The following KCNN2 variants were observed in gnomAD, a reference collection of about 807,000 sequenced individuals.
The protein encoded by KCNN2 is small conductance calcium-activated potassium channel protein 2.
KCNN2 carries 24 observed loss-of-function variants against 55.5 expected under a neutral mutation model. The ratio of observed to expected loss-of-function variants is 0.43; its 90% confidence interval spans 0.31 to 0.61. The LOEUF (loss-of-function observed/expected upper bound fraction) is 0.61, where lower values mean the gene tolerates loss of function less well. Ranked by LOEUF, KCNN2 falls within the 20% of genes least tolerant of loss-of-function variation. KCNN2 has a pLI of 0.08. For missense variants in KCNN2, 754 were observed against 853.6 expected, an observed-to-expected ratio of 0.88 and a Z score of 1.45; for synonymous variants, 431 against 336.1, an observed-to-expected ratio of 1.28 and a Z score of -3.09.
chr5:114,226,629 G>T (rs185447909), intron 2 of KCNN2, among the ~76,000 whole-genome samples: 2 of 152,218 alleles, frequency 1.3e-5, no homozygotes, highest in East Asian at 1.9e-4. Context: ...TTGGCTGGAT[G>T]CAGTAGCTCA....
intron 1 of KCNN2, among the ~76,000 whole-genome samples, chr5:114,201,775 C>A (rs1449782968): frequency 6.7e-6 from 1 of 148,298 alleles, no homozygotes; most frequent in Non-Finnish European, 1.5e-5. Context: ...AGTCTCATGG[C>A]AGCCTGTTGC....
intron 2 of KCNN2, among the ~76,000 whole-genome samples, chr5:114,320,027 A>T (rs1756584233): frequency 6.6e-6 from 1 of 152,210 alleles, no homozygotes; most frequent in African/African-American, 2.4e-5. Context: ...CAAAATGTTT[A>T]CCCATTGTTA....
At chr5:114,390,007 C>T (rs1402575067) in intron 2 of KCNN2, among the ~76,000 whole-genome samples, 3 of 152,248 alleles carry the variant, frequency 2.0e-5, no homozygotes, top group South Asian at 4.1e-4. Flanking sequence ...CAAATTCTTT[C>T]AATTGCCTGT....
At chr5:114,063,591 T>C (rs1241538447) in intron 1 of KCNN2, among the ~76,000 whole-genome samples, 1 of 152,120 alleles carries the variant, frequency 6.6e-6, no homozygotes, top group Non-Finnish European at 1.5e-5. Flanking sequence ...CTGGCCTAGA[T>C]AGCTAATTTT....
At chr5:114,143,529 A>G (rs1475509504) in intron 1 of KCNN2, among the ~76,000 whole-genome samples, 5 of 152,158 alleles carry the variant, frequency 3.3e-5, no homozygotes, top group Admixed American at 3.3e-4. Context: ...TCTTATCCCT[A>G]TGAACAGGTG....
intron 4 of KCNN2, among the ~76,000 whole-genome samples, chr5:114,467,749 A>C (rs1349992349): frequency 1.3e-5 from 2 of 152,106 alleles, no homozygotes; most frequent in Non-Finnish European, 2.9e-5. Context: ...AGGAAAGTAT[A>C]GGTGGAAGTT....
At chr5:114,147,774 G>C (rs1386325749) in intron 1 of KCNN2, among the ~76,000 whole-genome samples, 1 of 152,130 alleles carries the variant, frequency 6.6e-6, no homozygotes, top group Non-Finnish European at 1.5e-5. Context: ...AATCATTTAA[G>C]GTGTTTAAAT....
chr5:114,279,726 T>C (rs1407204880), intron 2 of KCNN2, among the ~76,000 whole-genome samples: 1 of 152,106 alleles, frequency 6.6e-6, no homozygotes, highest in Non-Finnish European at 1.5e-5. Flanking sequence ...TGGTTCCAAG[T>C]CTTTGCTATT....
intron 1 of KCNN2, among the ~76,000 whole-genome samples, chr5:114,150,795 G>A (rs1429204079): frequency 6.6e-6 from 1 of 152,176 alleles, no homozygotes; most frequent in Non-Finnish European, 1.5e-5. Context: ...GCTGAAGCAG[G>A]CAGATCACCT....
chr5:114,155,095 G>C (rs961095277), intron 1 of KCNN2, among the ~76,000 whole-genome samples: 3 of 151,956 alleles, frequency 2.0e-5, no homozygotes, highest in African/African-American at 7.3e-5. Context: ...GTGTCCGTGT[G>C]TTCTCATCAT....
At chr5:114,171,741 A>C (rs896059069) in intron 1 of KCNN2, among the ~76,000 whole-genome samples, 3 of 150,406 alleles carry the variant, frequency 2.0e-5, no homozygotes, top group African/African-American at 7.3e-5. Flanking sequence ...GCCTAACCCT[A>C]ATTTTGAATG....
chr5:114,252,003 C>A (rs1020298894), intron 2 of KCNN2, among the ~76,000 whole-genome samples: 1 of 151,184 alleles, frequency 6.6e-6, no homozygotes, highest in African/African-American at 2.4e-5. Context: ...CTCAGCCTCC[C>A]GAGCAGCTGG....
In KCNN2 at chr5:114,362,437, C is replaced by A; in HGVS notation, c.298C>A (p.Arg100=). 2.7e-6 allele frequency: 1 copy of A among 364,840 alleles called. No homozygotes were observed. The highest frequency in any genetic ancestry group is 4.9e-6 in the Non-Finnish European group (1 of 202,990). 22.6% of individuals were successfully genotyped at this position (364,840 alleles called of 1,614,324 possible). A position where few individuals can be genotyped will look rare whatever the true frequency, so the allele number is the denominator to read the frequency against. ...CACCTCCTCGCCCGGCGGCGCCTTC[C>A]GGACCCGCACCTCCTCGCCGCTGTC... is the stretch of plus-strand genomic sequence containing the variant. ...LRTSSPGGAF[R]TRTSSPLSGS... is the part of the protein sequence containing the mutation. The change falls in exon 1 of 8, where the codon CGG becomes AGG. Residue 100 remains arginine, a synonymous_variant. Coordinates refer to ENST00000673685, the MANE Select transcript of KCNN2 (RefSeq NM_021614.4).
intron 4 of KCNN2, among the ~76,000 whole-genome samples, chr5:114,464,211 T>G (rs1361544672): frequency 6.6e-6 from 1 of 152,194 alleles, no homozygotes; most frequent in African/African-American, 2.4e-5. Flanking sequence ...GTGATTATAA[T>G]GTGGTATGAA....
chr5:114,144,690 T>C (rs1246451261), intron 1 of KCNN2, among the ~76,000 whole-genome samples: 1 of 152,014 alleles, frequency 6.6e-6, no homozygotes, highest in African/African-American at 2.4e-5. Context: ...GTTTTTGAAC[T>C]AGTATGCATC....
intron 1 of KCNN2, among the ~76,000 whole-genome samples, chr5:114,140,112 G>A (rs963616118): frequency 3.9e-5 from 6 of 151,944 alleles, no homozygotes; most frequent in African/African-American, 1.5e-4. Flanking sequence ...GTTATTGGAA[G>A]TTAATAAAAA....
At chr5:114,432,410 A>T (rs539479789) in intron 3 of KCNN2, among the ~76,000 whole-genome samples, 2 of 152,242 alleles carry the variant, frequency 1.3e-5, no homozygotes, top group African/African-American at 4.8e-5. Context: ...TTTGATTAGT[A>T]TTACCATGGT....
chr5:114,220,777 G>T (rs1368423005), intron 1 of KCNN2, among the ~76,000 whole-genome samples: 2 of 143,628 alleles, frequency 1.4e-5, no homozygotes, highest in African/African-American at 5.2e-5. Flanking sequence ...AGTCAGCTGA[G>T]ATCGTGCCAC....
At chr5:114,256,465 A>G (rs546767263) in intron 2 of KCNN2, among the ~76,000 whole-genome samples, 2 of 152,322 alleles carry the variant, frequency 1.3e-5, no homozygotes, top group South Asian at 4.1e-4. Context: ...ACTGTTGTCC[A>G]TAGATGTTGT....
Sources: gnomAD v4.1 joint callset for allele counts (sites outside exome capture counted in the v4.1 genomes callset) on GRCh38, gnomAD v4.1.1 for gene constraint, MANE v1.5 for transcripts, NCBI Gene and HGNC (gene_info 2026-07-23, HGNC 2026-07-21) for gene names.